TNFSF4: variants seen among roughly 807,000 people sequenced by gnomAD.
TNFSF4 encodes the protein tumor necrosis factor ligand superfamily member 4.
TNFSF4 carries 4 observed loss-of-function variants against 7.3 expected under a neutral mutation model. That is an observed-to-expected ratio of 0.55 (90% confidence interval 0.27 to 1.25). The LOEUF is 1.25. Among genes scored for constraint, TNFSF4 ranks in the 50% most tolerant of loss-of-function variants. The pLI is 0.12. For synonymous variants in TNFSF4, 76 were observed against 83.7 expected, an observed-to-expected ratio of 0.91 and a Z score of 0.50; for missense variants, 181 against 208.8, an observed-to-expected ratio of 0.87 and a Z score of 0.82.
the TNFSF4 span, among the ~76,000 whole-genome samples, chr1:173,297,288 C>A: frequency 3.3e-5 from 5 of 151,088 alleles, no homozygotes; most frequent in African/African-American, 1.2e-4. Flanking sequence ...TCTTGGGGGG[C>A]AAGAAGGGAG....
At chr1:173,212,448 C>T in the TNFSF4 span, among the ~76,000 whole-genome samples, 3 of 152,042 alleles carry the variant, frequency 2.0e-5, no homozygotes, top group East Asian at 1.9e-4. Flanking sequence ...AAGCCTCACC[C>T]GGATTTCCCA....
chr1:173,201,899 T>G (rs1171940809), intron 1 of TNFSF4, among the ~76,000 whole-genome samples: 1 of 152,156 alleles, frequency 6.6e-6, no homozygotes, highest in African/African-American at 2.4e-5. Context: ...ACAACTCAGC[T>G]GGGTTATTTT....
At chr1:173,447,876 A>G in the TNFSF4 span, among the ~76,000 whole-genome samples, 6 of 152,170 alleles carry the variant, frequency 3.9e-5, no homozygotes, top group African/African-American at 9.6e-5. Flanking sequence ...CTAACTATCT[A>G]CAAGAAACCT....
the TNFSF4 span, among the ~76,000 whole-genome samples, chr1:173,370,221 T>C: frequency 6.6e-6 from 1 of 152,334 alleles, no homozygotes. Flanking sequence ...TGGAGAGATG[T>C]CATGCTATTG....
the TNFSF4 span, among the ~76,000 whole-genome samples, chr1:173,290,497 G>A: frequency 2.6e-5 from 4 of 152,136 alleles, no homozygotes; most frequent in East Asian, 7.7e-4. Context: ...AATAAAGAAG[G>A]GCATTACATA....
chr1:173,336,132 T>A, the TNFSF4 span, among the ~76,000 whole-genome samples: 2 of 152,146 alleles, frequency 1.3e-5, no homozygotes, highest in Non-Finnish European at 2.9e-5. Context: ...GCCTAACCTG[T>A]GGAGTGAGGC....
the TNFSF4 span, among the ~76,000 whole-genome samples, chr1:173,338,019 G>A: frequency 6.6e-6 from 1 of 152,212 alleles, no homozygotes; most frequent in Non-Finnish European, 1.5e-5. Context: ...TGAAAAAACA[G>A]GCCATAGTGG....
the TNFSF4 span, among the ~76,000 whole-genome samples, chr1:173,414,466 G>A: frequency 9.4e-3 from 1,430 of 152,226 alleles, 22 homozygotes; most frequent in African/African-American, 0.032. Flanking sequence ...ATTGGGGGAC[G>A]CAATTCAATC....
the TNFSF4 span, among the ~76,000 whole-genome samples, chr1:173,368,693 G>A: frequency 1.9e-4 from 29 of 151,954 alleles, no homozygotes; most frequent in East Asian, 4.6e-3. Context: ...ATTCAGCTTC[G>A]GGGTCCCGAC....
chr1:173,349,933 CA>C, the TNFSF4 span, among the ~76,000 whole-genome samples: 1 of 152,166 alleles, frequency 6.6e-6, no homozygotes, highest in Non-Finnish European at 1.5e-5. Flanking sequence ...GATATTCATT[CA>C]ACATTGAATA....
chr1:173,233,314 A>T, the TNFSF4 span, among the ~76,000 whole-genome samples: 1 of 152,234 alleles, frequency 6.6e-6, no homozygotes, highest in Non-Finnish European at 1.5e-5. Context: ...AGCCTCCAAG[A>T]AATATGGGAC....
chr1:173,326,845 C>T, the TNFSF4 span, among the ~76,000 whole-genome samples: 1 of 152,098 alleles, frequency 6.6e-6, no homozygotes, highest in Non-Finnish European at 1.5e-5. Flanking sequence ...GAACTACAAA[C>T]CACTGCTCAA....
the TNFSF4 span, among the ~76,000 whole-genome samples, chr1:173,308,797 T>G: frequency 6.6e-6 from 1 of 151,990 alleles, no homozygotes; most frequent in Non-Finnish European, 1.5e-5. Flanking sequence ...TTATTCATGC[T>G]GCCTAGCATC....
the TNFSF4 span, among the ~76,000 whole-genome samples, chr1:173,428,368 CCA>C: frequency 1.7e-4 from 26 of 152,238 alleles, no homozygotes; most frequent in African/African-American, 5.5e-4. Context: ...TTACAGAGGA[CCA>C]CAGGCATCCA....
the TNFSF4 span, among the ~76,000 whole-genome samples, chr1:173,351,211 T>C: frequency 6.6e-6 from 1 of 152,176 alleles, no homozygotes; most frequent in Non-Finnish European, 1.5e-5. Context: ...ACATATCATG[T>C]TCACTTTGGG....
Position 173,207,095 on chromosome 1 carries a change from C to T in TNFSF4, c.82G>A (p.Ala28Thr). 1 of 1,613,830 alleles carries T rather than the reference C, an allele frequency of 6.2e-7. No homozygotes were observed. Among genetic ancestry groups the T allele is most frequent in the Non-Finnish European group, 8.5e-7 (1 of 1,179,880 alleles). The change falls in exon 1 of 3, where the codon GCC becomes ACC. Residue 28 changes from alanine to threonine, a missense_variant. Ala to Thr is a moderately conservative substitution (Grantham distance 58). Coordinates refer to ENST00000281834, the MANE Select transcript of TNFSF4 (RefSeq NM_003326.5). Reference protein sequence around the residue: ...RFERNKLLLVASVIQGLGLLL... With the variant: ...RFERNKLLLVTSVIQGLGLLL... ...AGCCCCAGTCCCTGAATTACAGAGG[C>T]CACCAGCAATAGCTTGTTCCTCTCG...
the TNFSF4 span, among the ~76,000 whole-genome samples, chr1:173,297,677 G>T: frequency 6.6e-6 from 1 of 151,904 alleles, no homozygotes; most frequent in South Asian, 2.1e-4. Context: ...ATGCAAGGCA[G>T]CCCACACTGG....
At chr1:173,269,559 A>G in the TNFSF4 span, among the ~76,000 whole-genome samples, 1 of 152,114 alleles carries the variant, frequency 6.6e-6, no homozygotes, top group African/African-American at 2.4e-5. Flanking sequence ...CAAGCCCTGC[A>G]ATACCACAAT....
intron 1 of TNFSF4, among the ~76,000 whole-genome samples, chr1:173,192,864 G>C (rs1463901710): frequency 1.3e-5 from 2 of 152,134 alleles, no homozygotes; most frequent in Admixed American, 1.3e-4. Flanking sequence ...GAGTTGTAAA[G>C]TTTGAATGAA....
Sources: gnomAD v4.1 joint callset for allele counts (sites outside exome capture counted in the v4.1 genomes callset) on GRCh38, gnomAD v4.1.1 for gene constraint, MANE v1.5 for transcripts, NCBI Gene and HGNC (gene_info 2026-07-23, HGNC 2026-07-21) for gene names.